HFM1: variants seen among roughly 807,000 people sequenced by gnomAD.
HFM1 encodes helicase for meiosis 1, also known as probable ATP-dependent DNA helicase HFM1.
In HFM1, 169 loss-of-function variants were observed where a neutral mutation model predicts 192.1. That is an observed-to-expected ratio of 0.88 (90% CI 0.78 to 1.00). The LOEUF (loss-of-function observed/expected upper bound fraction) is 1.00. HFM1 is among the 50% of genes least tolerant of loss of function. The pLI is 0.00. For synonymous variants in HFM1, 525 were observed against 537.8 expected (o/e 0.98, Z 0.33); for missense variants, 1,661 against 1,668.0 (o/e 1.00, Z 0.07).
At chr1:91,324,888 T>C (rs1652656930) in intron 20 of HFM1, 122 bp from the exon 21 acceptor site, 3 of 678,462 alleles carry the variant, frequency 4.4e-6, no homozygotes, top group Non-Finnish European at 5.4e-6. Flanking sequence ...GCCTAGACCA[T>C]TGGTCCTCAC....
Position 91,266,095 on chromosome 1 carries a change from G to A in HFM1, c.3896C>T (p.Thr1299Ile), listed in dbSNP as rs1465613110. 6.3e-7 allele frequency: 1 copy of A among 1,589,938 alleles called. No homozygotes were observed. The highest frequency in any genetic ancestry group is 8.5e-7 in the Non-Finnish European group (1 of 1,173,290). ...ACTTCCCCTGGTACTTGAACTCAAA[G>A]TGTTTCCAAATCCTATGTGAAGAGA... ...EKTKISGFGNTLSSSTRGSKL... is the reference protein window; with the variant it reads ...EKTKISGFGNILSSSTRGSKL... Residue 1299 changes from threonine to isoleucine, a missense_variant, in exon 36 of 39, where the codon ACT becomes ATT. Physicochemically the swap from Thr to Ile is moderately conservative, Grantham distance 89. Coordinates refer to ENST00000370425, the MANE Select transcript of HFM1 (RefSeq NM_001017975.6).
intron 30 of HFM1, among the ~76,000 whole-genome samples, chr1:91,292,578 C>T (rs1380868906): frequency 1.3e-5 from 2 of 151,982 alleles, no homozygotes; most frequent in Non-Finnish European, 2.9e-5. Flanking sequence ...GAAGAACATT[C>T]CATGCTCACG....
At chr1:91,342,409 G>A (rs1327584429) in intron 20 of HFM1, among the ~76,000 whole-genome samples, 1 of 152,150 alleles carries the variant, frequency 6.6e-6, no homozygotes, top group Non-Finnish European at 1.5e-5. Context: ...ACCATCATGT[G>A]AGAGGTGCCC....
At chr1:91,289,438 C>G (rs1668450255) in intron 30 of HFM1, among the ~76,000 whole-genome samples, 1 of 152,140 alleles carries the variant, frequency 6.6e-6, no homozygotes, top group East Asian at 1.9e-4. Flanking sequence ...GGCAGAGATG[C>G]TCCTCACTTC....
chr1:91,261,471 T>A, intron 38 of HFM1, 112 bp from the exon 39 acceptor site: 1 of 462,388 alleles, frequency 2.2e-6, no homozygotes, highest in South Asian at 1.0e-4. Context: ...AAGATTGCTA[T>A]GAAGTTAATG....
chr1:91,265,491 C>T (rs944438545), intron 36 of HFM1, among the ~76,000 whole-genome samples: 1 of 123,602 alleles, frequency 8.1e-6, no homozygotes, highest in Admixed American at 9.1e-5. Flanking sequence ...CCCACCAAAT[C>T]TTGAAGGTAT....
At chr1:91,295,543 C>T (rs1409977897) in intron 30 of HFM1, among the ~76,000 whole-genome samples, 2 of 152,136 alleles carry the variant, frequency 1.3e-5, no homozygotes, top group Non-Finnish European at 2.9e-5. Flanking sequence ...TATTTTAATT[C>T]AATTATCTTT....
chr1:91,378,639 T>C (rs1351376885), intron 9 of HFM1, among the ~76,000 whole-genome samples, 159 bp from the exon 10 acceptor site: 1 of 152,070 alleles, frequency 6.6e-6, no homozygotes, highest in African/African-American at 2.4e-5. Flanking sequence ...AATTAAAAAA[T>C]ACTTAAAGAA....
intron 16 of HFM1, among the ~76,000 whole-genome samples, chr1:91,352,068 G>A (rs950964924): frequency 6.6e-6 from 1 of 151,702 alleles, no homozygotes; most frequent in Non-Finnish European, 1.5e-5. Flanking sequence ...TCAGAGTAGG[G>A]TATGTTTTGA....
intron 21 of HFM1, among the ~76,000 whole-genome samples, chr1:91,324,059 T>C (rs1292739494): frequency 6.6e-6 from 1 of 152,226 alleles, no homozygotes; most frequent in Non-Finnish European, 1.5e-5. Context: ...AAAGGACCAA[T>C]GCAGTCGCCA....
intron 20 of HFM1, among the ~76,000 whole-genome samples, chr1:91,342,183 C>CA (rs1048778479): frequency 3.0e-5 from 4 of 131,884 alleles, no homozygotes; most frequent in Admixed American, 7.7e-5. Context: ...AACATAGATG[C>CA]AAAAATCCTC....
At chr1:91,401,747 C>T (rs1414523409) in intron 1 of HFM1, among the ~76,000 whole-genome samples, 2 of 151,996 alleles carry the variant, frequency 1.3e-5, no homozygotes, top group African/African-American at 2.4e-5. Flanking sequence ...CATACATATG[C>T]ATATTTATTT....
intron 30 of HFM1, among the ~76,000 whole-genome samples, chr1:91,281,262 A>C (rs941630140): frequency 6.6e-6 from 1 of 152,174 alleles, no homozygotes; most frequent in Non-Finnish European, 1.5e-5. Flanking sequence ...AATCAAGTGG[A>C]GTGGTTTTCT....
intron 30 of HFM1, among the ~76,000 whole-genome samples, chr1:91,310,869 CTA>C (rs1289322880): frequency 6.6e-6 from 1 of 152,162 alleles, no homozygotes. Flanking sequence ...CCAGTATCAG[CTA>C]TGTCTTTATC....
intron 30 of HFM1, among the ~76,000 whole-genome samples, chr1:91,309,436 C>T (rs1449253825): frequency 6.6e-6 from 1 of 152,050 alleles, no homozygotes; most frequent in African/African-American, 2.4e-5. Flanking sequence ...TAAAATGAAA[C>T]AAATGAAAGT....
chr1:91,386,282 C>T (rs1662211638), intron 4 of HFM1, among the ~76,000 whole-genome samples: 1 of 152,176 alleles, frequency 6.6e-6, no homozygotes, highest in Non-Finnish European at 1.5e-5. Context: ...CTCAAACAAC[C>T]CTATGAAGAG....
At chr1:91,360,840 A>G (rs1658398901) in intron 13 of HFM1, among the ~76,000 whole-genome samples, 1 of 152,204 alleles carries the variant, frequency 6.6e-6, no homozygotes, top group African/African-American at 2.4e-5. Context: ...ATCATAACAA[A>G]CAGTCTCTCA....
intron 36 of HFM1, among the ~76,000 whole-genome samples, chr1:91,264,434 G>A (rs1276278595): frequency 7.9e-6 from 1 of 126,030 alleles, no homozygotes; most frequent in African/African-American, 3.1e-5. Context: ...GTGCAGTGGC[G>A]CAATCTCGGC....
intron 23 of HFM1, among the ~76,000 whole-genome samples, chr1:91,320,997 TC>T (rs1460623394): frequency 7.9e-5 from 12 of 152,172 alleles, no homozygotes; most frequent in Non-Finnish European, 1.5e-5. Context: ...AAAAGGGGAA[TC>T]CAGAGTTGGG....
Sources: allele counts gnomAD v4.1 joint callset (sites outside exome capture counted in the v4.1 genomes callset), GRCh38; gene constraint gnomAD v4.1.1; transcripts MANE v1.5; gene names NCBI Gene and HGNC (gene_info 2026-07-23, HGNC 2026-07-21).